The following MARCHF6 variants were observed in gnomAD, a reference collection of about 807,000 sequenced individuals.
MARCHF6 encodes membrane associated ring-CH-type finger 6, also known as E3 ubiquitin-protein ligase MARCHF6.
A neutral mutation model predicts 133.7 loss-of-function variants in MARCHF6; 31 were observed. The ratio of observed to expected loss-of-function variants is 0.23; its 90% CI spans 0.17 to 0.31. The LOEUF is 0.31. MARCHF6 is among the 10% of genes least tolerant of loss of function. MARCHF6 has a pLI of 1.00. For missense variants in MARCHF6, 723 were observed against 1,121.6 expected (o/e 0.64, Z 5.08); for synonymous variants, 395 against 402.5 (o/e 0.98, Z 0.22).
In MARCHF6 at chr5:10,423,912, A is replaced by G. The variant is rs748992972; in HGVS notation, c.2373+88A>G. Reference sequence around the variant, plus strand: ...TATAACTCTTATTTCTTATCTTCCTACCTTGCTGAGTTTTCTACATTTTTT... The same window carrying G: ...TATAACTCTTATTTCTTATCTTCCTGCCTTGCTGAGTTTTCTACATTTTTT... On this transcript the variant is annotated intron_variant, in intron 23 of 25. Transcript: ENST00000274140. 1.0e-5 allele frequency: 9 copies of G among 874,172 alleles called. No individual in the cohort carries two copies. In the Admixed American group the frequency reaches 1.7e-4, roughly 16 times the overall value. The allele number at this position is 874,172 out of a possible 1,614,324, so 54.2% of individuals were successfully genotyped here. A position where few individuals can be genotyped will look rare whatever the true frequency, so the allele number is the denominator to read the frequency against.
chr5:10,370,133 C>T (rs1736384482), intron 1 of MARCHF6, among the ~76,000 whole-genome samples: 1 of 91,640 alleles, frequency 1.1e-5, no homozygotes, highest in Non-Finnish European at 2.0e-5. Flanking sequence ...CAGGATCTTG[C>T]TTATAAACCC....
At chr5:10,417,170 G>A in intron 21 of MARCHF6, 100 bp from the exon 22 acceptor site, 1 of 1,337,182 alleles carries the variant, frequency 7.5e-7, no homozygotes, top group Non-Finnish European at 1.0e-6. Context: ...AGGGATGACT[G>A]TGGTTGCTCT....
intron 19 of MARCHF6, among the ~76,000 whole-genome samples, chr5:10,413,783 T>C (rs1404336443): frequency 6.6e-6 from 1 of 152,076 alleles, no homozygotes; most frequent in East Asian, 1.9e-4. Context: ...GAGAACAGTA[T>C]GGGGGAAACT....
intron 22 of MARCHF6, among the ~76,000 whole-genome samples, chr5:10,421,747 C>CT (rs2126323693): frequency 6.6e-6 from 1 of 152,338 alleles, no homozygotes; most frequent in African/African-American, 2.4e-5. Context: ...GTTGTTGCAT[C>CT]TTCCCTGCCT....
At chr5:10,368,454 G>A (rs577593935) in intron 1 of MARCHF6, among the ~76,000 whole-genome samples, 99 of 152,254 alleles carry the variant, frequency 6.5e-4, no homozygotes, top group African/African-American at 2.4e-3. Context: ...GCAACGTGGT[G>A]ATAGAGAGAC....
At chr5:10,400,540 A>T (rs79103690) in intron 10 of MARCHF6, among the ~76,000 whole-genome samples, 8,007 of 152,040 alleles carry the variant, frequency 0.053, 713 homozygotes, top group African/African-American at 0.18. Context: ...TTTGATGCTC[A>T]TATTATCCTC....
At chr5:10,413,093 C>T (rs1739320682) in intron 19 of MARCHF6, among the ~76,000 whole-genome samples, 1 of 152,210 alleles carries the variant, frequency 6.6e-6, no homozygotes, top group Non-Finnish European at 1.5e-5. Flanking sequence ...TCTTCTGCTC[C>T]TTTGTCCCCT....
At chr5:10,393,039 T>G (rs1299884294) in intron 7 of MARCHF6, among the ~76,000 whole-genome samples, 1 of 152,178 alleles carries the variant, frequency 6.6e-6, no homozygotes, top group Non-Finnish European at 1.5e-5. Context: ...CTGAGGATGC[T>G]GTTGGGGAGA....
At chr5:10,391,959 C>G (rs1031838103) in intron 7 of MARCHF6, among the ~76,000 whole-genome samples, 3 of 148,274 alleles carry the variant, frequency 2.0e-5, no homozygotes, top group Non-Finnish European at 3.0e-5. Flanking sequence ...TTTACACAGG[C>G]CTTTTTTTTT....
At chr5:10,427,746 A>G (rs957356227) in intron 24 of MARCHF6, among the ~76,000 whole-genome samples, 5 of 151,948 alleles carry the variant, frequency 3.3e-5, no homozygotes, top group African/African-American at 1.2e-4. Context: ...GCCCTTCTTT[A>G]CCTTTTGCCA....
chr5:10,408,003 A>T (rs1000955432), intron 17 of MARCHF6, among the ~76,000 whole-genome samples: 2 of 145,084 alleles, frequency 1.4e-5, no homozygotes, highest in African/African-American at 5.1e-5. Context: ...CACTACCAGT[A>T]ATCTTTACCA....
chr5:10,394,715 C>T (rs776514487), intron 8 of MARCHF6, 38 bp from the exon 9 acceptor site: 4 of 1,518,906 alleles, frequency 2.6e-6, no homozygotes, highest in Non-Finnish European at 2.7e-6. Flanking sequence ...AGTTCTGTTG[C>T]ATCTTAAATT....
At chr5:10,400,980 C>T in intron 11 of MARCHF6, 138 bp downstream of exon 11, 1 of 635,050 alleles carries the variant, frequency 1.6e-6, no homozygotes, top group East Asian at 2.8e-5. Flanking sequence ...CCGTCTCATT[C>T]TTTTTTAAAA....
At position 10,404,080 on chromosome 5, in the gene MARCHF6, C is replaced by T. The variant is rs559634108; in HGVS notation, c.1332+539C>T. 4.9e-5 allele frequency among the ~76,000 whole-genome samples: 7 copies of T among 142,202 alleles called. No homozygotes were observed. In the East Asian group the frequency reaches 8.2e-4, roughly 17 times the overall value. The allele number at this position is 142,202 out of a possible 152,430, so 93.3% of individuals were successfully genotyped here. A position where few individuals can be genotyped will look rare whatever the true frequency, so the allele number is the denominator to read the frequency against. ...ATTTATTTATTTATTTATTTATTTA[C>T]TTATTTACTTTTTGATACTGAGTCT... On this transcript the variant is annotated intron_variant, in intron 15 of 25. Coordinates refer to ENST00000274140, the MANE Select transcript of MARCHF6 (RefSeq NM_005885.4).
At chr5:10,410,093 G>A (rs1739130805) in intron 17 of MARCHF6, 46 bp from the exon 18 acceptor site, 1 of 1,597,026 alleles carries the variant, frequency 6.3e-7, no homozygotes, top group Admixed American at 1.7e-5. Flanking sequence ...TTAAATAGTA[G>A]TCATATGCAA....
intron 24 of MARCHF6, among the ~76,000 whole-genome samples, chr5:10,427,947 G>A (rs910637945): frequency 1.2e-4 from 19 of 152,134 alleles, no homozygotes; most frequent in Non-Finnish European, 2.8e-4. Flanking sequence ...GCGCACACCT[G>A]TAATCTCAGC....
chr5:10,387,756 T>C (rs1309629950), intron 5 of MARCHF6, among the ~76,000 whole-genome samples: 5 of 152,164 alleles, frequency 3.3e-5, no homozygotes, highest in Non-Finnish European at 7.4e-5. Context: ...CTGCAACTTC[T>C]GCCTTCTGGG....
At chr5:10,397,540 A>C (rs911805304) in intron 10 of MARCHF6, among the ~76,000 whole-genome samples, 196 bp downstream of exon 10, 3 of 152,064 alleles carry the variant, frequency 2.0e-5, no homozygotes, top group African/African-American at 4.8e-5. Context: ...CAGTGACTGC[A>C]GTTACCTACC....
intron 22 of MARCHF6, among the ~76,000 whole-genome samples, chr5:10,419,730 A>T (rs1450743716): frequency 1.3e-5 from 2 of 152,156 alleles, no homozygotes; most frequent in Non-Finnish European, 2.9e-5. Context: ...AGGATTGTTA[A>T]TGGATGTTGA....
Sources: gnomAD v4.1 joint callset for allele counts (sites outside exome capture counted in the v4.1 genomes callset) on GRCh38, gnomAD v4.1.1 for gene constraint, MANE v1.5 for transcripts, NCBI Gene and HGNC (gene_info 2026-07-23, HGNC 2026-07-21) for gene names.